Variants in TOGARAM2 observed in about 807,000 individuals in gnomAD.
The protein encoded by TOGARAM2 is TOG array regulator of axonemal microtubules protein 2.
In TOGARAM2, 85 loss-of-function variants were observed where a neutral mutation model predicts 93.3. That is an observed-to-expected ratio of 0.91 (90% CI 0.76 to 1.09). The LOEUF (loss-of-function observed/expected upper bound fraction) is 1.09. Ranked by LOEUF, TOGARAM2 falls within the 50% of genes least tolerant of loss-of-function variation. The pLI, the probability that TOGARAM2 is intolerant of heterozygous loss-of-function variation, is 0.00. For synonymous variants in TOGARAM2, 593 were observed against 552.8 expected, an observed-to-expected ratio of 1.07 and a Z score of -1.02; for missense variants, 1,277 against 1,334.5, an observed-to-expected ratio of 0.96 and a Z score of 0.67.
intron 10 of TOGARAM2, 92 bp from the exon 11 acceptor site, chr2:29,022,066 G>C: frequency 6.5e-7 from 1 of 1,546,298 alleles, no homozygotes; most frequent in Non-Finnish European, 8.8e-7. Flanking sequence ...GTGGTGGCAC[G>C]GCCTCCCATG....
rs748237799 is a variant in TOGARAM2, at chr2:29,033,596, T to G, written c.2225+33T>G. 32 of 1,592,446 alleles carry G rather than the reference T, an allele frequency of 2.0e-5. No individual in the cohort carries two copies. In the South Asian group the frequency reaches 3.3e-4, roughly 16 times the overall value. On this transcript the variant is annotated intron_variant, in intron 16 of 19. Coordinates refer to ENST00000379558, the MANE Select transcript of TOGARAM2 (RefSeq NM_199280.4). ...TGCTCCTGTATCTCTGGGCTTCACA[T>G]CTAAGACTTCTGACAGAGGCATCCT...
intron 1 of TOGARAM2, among the ~76,000 whole-genome samples, chr2:28,982,427 C>G (rs1031593721): frequency 2.6e-5 from 4 of 152,138 alleles, no homozygotes; most frequent in African/African-American, 9.7e-5. Flanking sequence ...TGCCTGGCCC[C>G]AGGAAGTGGT....
chr2:28,979,279 C>G (rs1672079403), upstream of TOGARAM2, among the ~76,000 whole-genome samples: 1 of 152,234 alleles, frequency 6.6e-6, no homozygotes. Context: ...GGGATTCGCT[C>G]TCTGTCCATG....
chr2:28,996,684 A>T (rs892826072), intron 2 of TOGARAM2, among the ~76,000 whole-genome samples: 2 of 150,000 alleles, frequency 1.3e-5, no homozygotes, highest in Non-Finnish European at 3.0e-5. Context: ...TTAGCTGGGC[A>T]TGGTGGCAGG....
chr2:28,975,678 G>A (rs1218677605), intron 1 of TOGARAM2, among the ~76,000 whole-genome samples: 1 of 152,098 alleles, frequency 6.6e-6, no homozygotes, highest in Non-Finnish European at 1.5e-5. Context: ...TATAATGAGT[G>A]GTTTTCAGTT....
chr2:28,958,735 G>C lies in TOGARAM2; in HGVS notation c.-147+2038G>C, dbSNP rs538109620. On this transcript the variant is annotated intron_variant, in intron 1 of 6. Transcript: ENST00000401723. ...TTTTCTCATCTTCACCAGGCTTGTC[G>C]GGATTGTCCAGGTTACTTTCTCTGG... 2.4e-4 allele frequency among the ~76,000 whole-genome samples: 36 copies of C among 152,242 alleles called. No homozygotes were observed. The South Asian group carries it at 6.6e-3, about 28-fold the overall frequency.
At chr2:29,040,826 G>A (rs536774817) in intron 18 of TOGARAM2, among the ~76,000 whole-genome samples, 89 of 152,254 alleles carry the variant, frequency 5.8e-4, no homozygotes, top group Non-Finnish European at 9.3e-4. Flanking sequence ...TCCCCTGTAG[G>A]TAAGCCCCTA....
At chr2:29,014,311 A>C (rs2148328871) in intron 7 of TOGARAM2, 84 bp from the exon 8 acceptor site, 1 of 1,472,030 alleles carries the variant, frequency 6.8e-7, no homozygotes, top group South Asian at 1.3e-5. Flanking sequence ...GGGGCTTAGC[A>C]GTAGAATTGA....
chr2:28,994,602 C>G, intron 1 of TOGARAM2, 123 bp from the exon 2 acceptor site: 1 of 424,506 alleles, frequency 2.4e-6, no homozygotes, highest in South Asian at 3.5e-5. Context: ...AAATGGCATC[C>G]TTTGGTTTAG....
intron 1 of TOGARAM2, among the ~76,000 whole-genome samples, chr2:28,974,537 C>T (rs1001624694): frequency 2.0e-5 from 3 of 152,164 alleles, no homozygotes; most frequent in African/African-American, 7.2e-5. Flanking sequence ...ACCCTTTCTC[C>T]TCTCCTTGAA....
In TOGARAM2 at chr2:29,032,918, C is replaced by T. The variant is rs775472725; in HGVS notation, c.2013-16C>T. On this transcript the variant is annotated splice_polypyrimidine_tract_variant and intron_variant, in intron 14 of 19. Coordinates refer to ENST00000379558, the MANE Select transcript of TOGARAM2 (RefSeq NM_199280.4). ...TCAGAGGCTGTTTCTTTATCTTGCT[C>T]TCTCTCCTGTGGCAGATTTTATGGC... The T allele has an allele frequency of 1.8e-5, 29 of 1,607,758 alleles. No homozygotes were observed. Among genetic ancestry groups the T allele is most frequent in the Non-Finnish European group, 2.4e-5 (28 of 1,175,686 alleles).
In TOGARAM2 at chr2:29,011,506, G is replaced by A. The variant is rs1203617860; in HGVS notation, c.877+5G>A. 1.6e-5 allele frequency: 26 copies of A among 1,603,032 alleles called. No individual in the cohort carries two copies. Among genetic ancestry groups the A allele is most frequent in the Non-Finnish European group, 2.1e-5 (25 of 1,176,166 alleles). The stretch of plus-strand genomic sequence containing the variant: ...AGAAGACCCCTGCATCTCTGGGTAC[G>A]TATCTTCCATGCACACCTCCCTTTG... On this transcript the variant is annotated splice_donor_5th_base_variant and intron_variant, in intron 7 of 19. Coordinates refer to ENST00000379558, the MANE Select transcript of TOGARAM2 (RefSeq NM_199280.4).
chr2:28,997,862 G>C (rs902724751), intron 2 of TOGARAM2, among the ~76,000 whole-genome samples: 1 of 152,168 alleles, frequency 6.6e-6, no homozygotes, highest in Non-Finnish European at 1.5e-5. Context: ...AAAAGGCATG[G>C]AGGGGGGTTT....
chr2:29,008,647 G>T (rs570870834), intron 6 of TOGARAM2, among the ~76,000 whole-genome samples: 1 of 151,800 alleles, frequency 6.6e-6, no homozygotes, highest in South Asian at 2.1e-4. Flanking sequence ...AGTAGAGCTG[G>T]GCTTTCACCA....
chr2:29,050,430 A>T (rs913940406), intron 19 of TOGARAM2: 1 of 152,232 alleles, frequency 6.6e-6, no homozygotes, highest in Non-Finnish European at 1.5e-5. Context: ...ATTTGGGGAC[A>T]GCATGCGGTA....
intron 6 of TOGARAM2, among the ~76,000 whole-genome samples, chr2:29,004,679 T>A (rs1478535975): frequency 6.6e-6 from 1 of 152,142 alleles, no homozygotes; most frequent in Non-Finnish European, 1.5e-5. Flanking sequence ...TGTGAGTATA[T>A]GCATGTATGT....
At chr2:29,005,978 T>C (rs1008349070) in intron 6 of TOGARAM2, among the ~76,000 whole-genome samples, 1 of 58,612 alleles carries the variant, frequency 1.7e-5, no homozygotes, top group Non-Finnish European at 4.6e-5. Context: ...TGTGAGACCG[T>C]ATGAGTGCAT....
rs190293307 is a variant in TOGARAM2 at position 28,981,794 on chromosome 2, A to G, written c.-111+256A>G. 3.3e-5 allele frequency among the ~76,000 whole-genome samples: 5 copies of G among 152,318 alleles called. No homozygotes were observed. The East Asian group carries it at 9.7e-4, about 29-fold the overall frequency. On this transcript the variant is annotated intron_variant, in intron 1 of 19. Coordinates refer to ENST00000379558, the MANE Select transcript of TOGARAM2 (RefSeq NM_199280.4). ...ACTGTTCTCTGAGCACTGGGAGCCA[A>G]GGAAGGAGGGGCTGGCCTGGGCTGA...
At chr2:29,007,087 G>C (rs571793537) in intron 6 of TOGARAM2, among the ~76,000 whole-genome samples, 1 of 152,200 alleles carries the variant, frequency 6.6e-6, no homozygotes, top group African/African-American at 2.4e-5. Context: ...ATTGTTCCAG[G>C]ACTGTTTGCC....
Sources: gnomAD v4.1 joint callset for allele counts (sites outside exome capture counted in the v4.1 genomes callset) on GRCh38, gnomAD v4.1.1 for gene constraint, MANE v1.5 for transcripts, NCBI Gene and HGNC (gene_info 2026-07-23, HGNC 2026-07-21) for gene names.